Variants in FAT3 observed in about 807,000 individuals in gnomAD.
The protein encoded by FAT3 is FAT atypical cadherin 3, also known as protocadherin Fat 3.
A neutral mutation model predicts 310.2 loss-of-function variants in FAT3; 95 were observed. The observed-to-expected ratio is 0.31, with a 90% CI of 0.26 to 0.36. The LOEUF is 0.36. Ranked by LOEUF, FAT3 falls within the 10% of genes least tolerant of loss-of-function variation. FAT3 has a pLI of 1.00. For missense variants in FAT3, 5,408 were observed against 5,715.6 expected, an observed-to-expected ratio of 0.95 and a Z score of 1.74; for synonymous variants, 2,314 against 2,192.9, an observed-to-expected ratio of 1.06 and a Z score of -1.54.
chr11:92,780,570 G>A (rs748927031), intron 7 of FAT3, among the ~76,000 whole-genome samples: 8 of 152,180 alleles, frequency 5.3e-5, no homozygotes, highest in Admixed American at 3.3e-4. Context: ...AACTAGAGTA[G>A]ATCAGGGTTT....
chr11:92,332,129 A>C (rs900988692), intron 1 of FAT3, among the ~76,000 whole-genome samples: 4 of 152,318 alleles, frequency 2.6e-5, no homozygotes, highest in Non-Finnish European at 5.9e-5. Flanking sequence ...CATGGTCTTC[A>C]TTTTGACATT....
intron 2 of FAT3, among the ~76,000 whole-genome samples, chr11:92,398,315 A>T (rs151096970): frequency 0.026 from 3,901 of 152,130 alleles, 180 homozygotes; most frequent in African/African-American, 0.089. Context: ...AGCCTGGCCA[A>T]CATGGCAAAA....
chr11:92,859,154 G>T lies in FAT3; in HGVS notation c.11501-11G>T, dbSNP rs375666879. 6.2e-6 allele frequency: 10 copies of T among 1,611,044 alleles called. No individual in the cohort carries two copies. Among genetic ancestry groups the T allele is most frequent in the Admixed American group, 1.7e-5 (1 of 59,872 alleles). ...AAAAATATATATGTCTTCTCATAAC[G>T]GTCTTTTCAGGGCACACTTCTCTCA... On this transcript the variant is annotated splice_polypyrimidine_tract_variant and intron_variant, in intron 20 of 27. Transcript: ENST00000525166.
chr11:92,652,591 C>T (rs573931371), intron 3 of FAT3, among the ~76,000 whole-genome samples: 1 of 152,190 alleles, frequency 6.6e-6, no homozygotes, highest in Non-Finnish European at 1.5e-5. Flanking sequence ...TACTCATTCT[C>T]AGTTCCCCAG....
At chr11:92,622,849 A>G (rs964668141) in intron 3 of FAT3, among the ~76,000 whole-genome samples, 4 of 152,176 alleles carry the variant, frequency 2.6e-5, no homozygotes, top group African/African-American at 4.8e-5. Context: ...GAGACTCCCT[A>G]TAAGACACTT....
At chr11:92,277,047 A>T (rs1946292689) in intron 1 of FAT3, among the ~76,000 whole-genome samples, 1 of 152,052 alleles carries the variant, frequency 6.6e-6, no homozygotes. Context: ...TGCACCTAGC[A>T]GTTGCTAGGT....
In FAT3 at chr11:92,524,695, G is replaced by T. The variant is rs1953793186; in HGVS notation, c.3354G>T (p.Val1118=). Residue 1118 remains valine, a synonymous_variant, in exon 3 of 28, where the codon GTG becomes GTT. Transcript: ENST00000525166. ...RETMGSYWLT[V]YATDRGVVPL... ...CAATGGGGTCATACTGGCTAACAGTGTATGCCACAGACAGGGGCGTTGTTC... is the reference window on the plus strand; with the variant it reads ...CAATGGGGTCATACTGGCTAACAGTTTATGCCACAGACAGGGGCGTTGTTC... 2 of 1,613,868 alleles carry T rather than the reference G, an allele frequency of 1.2e-6. No homozygotes were observed. The highest frequency in any genetic ancestry group is 1.7e-6 in the Non-Finnish European group (2 of 1,179,838).
intron 19 of FAT3, among the ~76,000 whole-genome samples, chr11:92,849,675 G>A (rs1948770435): frequency 6.6e-6 from 1 of 152,214 alleles, no homozygotes; most frequent in Non-Finnish European, 1.5e-5. Context: ...ACTTGGAGGA[G>A]TACAAGAAAG....
At chr11:92,567,672 G>A (rs1390714000) in intron 3 of FAT3, among the ~76,000 whole-genome samples, 1 of 151,996 alleles carries the variant, frequency 6.6e-6, no homozygotes, top group African/African-American at 2.4e-5. Context: ...TTAAGAAAAT[G>A]TGGCACATAT....
intron 3 of FAT3, among the ~76,000 whole-genome samples, chr11:92,677,797 C>A (rs1045010718): frequency 6.6e-6 from 1 of 152,116 alleles, no homozygotes; most frequent in Non-Finnish European, 1.5e-5. Flanking sequence ...AACACACAAA[C>A]GATGCAATGA....
In FAT3 at chr11:92,455,339, G is replaced by T. The variant is rs7938056; in HGVS notation, c.3293-69295G>T. ...ACTCTCTCTGTTCCCAGAAATTGTG[G>T]CTCTGACAAGCTCCTGCTGCAGTCA... On this transcript the variant is annotated intron_variant, in intron 2 of 27. Coordinates refer to ENST00000525166, the MANE Select transcript of FAT3 (RefSeq NM_001367949.2). Among the ~76,000 whole-genome samples, 715 of 152,208 alleles carry T rather than the reference G, an allele frequency of 4.7e-3. 4 individuals are homozygous for T. The highest frequency in any genetic ancestry group is 0.016 in the African/African-American group (665 of 41,540).
At chr11:92,625,924 A>C (rs1941312842) in intron 3 of FAT3, among the ~76,000 whole-genome samples, 1 of 152,228 alleles carries the variant, frequency 6.6e-6, no homozygotes, top group African/African-American at 2.4e-5. Flanking sequence ...GTTTAATTAA[A>C]GTACTGAAAT....
chr11:92,822,871 C>T (rs1468562439), intron 13 of FAT3, among the ~76,000 whole-genome samples: 1 of 152,100 alleles, frequency 6.6e-6, no homozygotes, highest in Non-Finnish European at 1.5e-5. Context: ...CTGAGTATAC[C>T]TTGCAATTTC....
chr11:92,864,910 C>G (rs1232996993), intron 21 of FAT3, among the ~76,000 whole-genome samples: 1 of 152,236 alleles, frequency 6.6e-6, no homozygotes, highest in Non-Finnish European at 1.5e-5. Flanking sequence ...ATTTGCATGA[C>G]AGAGCAAAGT....
intron 1 of FAT3, among the ~76,000 whole-genome samples, chr11:92,235,267 C>A (rs1864371139): frequency 6.6e-6 from 1 of 152,182 alleles, no homozygotes; most frequent in Non-Finnish European, 1.5e-5. Flanking sequence ...CTTCTTGGCC[C>A]CTTTATCTCT....
At chr11:92,842,488 C>T (rs1473955600) in intron 18 of FAT3, among the ~76,000 whole-genome samples, 1 of 152,232 alleles carries the variant, frequency 6.6e-6, no homozygotes, top group Non-Finnish European at 1.5e-5. Flanking sequence ...GTCTCATCTG[C>T]TAAAGTTATA....
intron 3 of FAT3, among the ~76,000 whole-genome samples, chr11:92,615,366 C>A (rs1838094988): frequency 6.6e-6 from 1 of 152,190 alleles, no homozygotes; most frequent in African/African-American, 2.4e-5. Flanking sequence ...CCCGCCTCAG[C>A]CTCCCAAGTA....
intron 3 of FAT3, among the ~76,000 whole-genome samples, chr11:92,623,241 T>C (rs966463542): frequency 9.2e-5 from 14 of 152,230 alleles, no homozygotes; most frequent in African/African-American, 2.9e-4. Flanking sequence ...GAAGGTATGC[T>C]TCCCCCAGTG....
At chr11:92,391,633 T>A (rs1365106272) in intron 2 of FAT3, among the ~76,000 whole-genome samples, 1 of 152,244 alleles carries the variant, frequency 6.6e-6, no homozygotes, top group Non-Finnish European at 1.5e-5. Context: ...GTAGTTTGCA[T>A]CTGTATTCTG....
Sources: gnomAD v4.1 joint callset for allele counts (sites outside exome capture counted in the v4.1 genomes callset) on GRCh38, gnomAD v4.1.1 for gene constraint, MANE v1.5 for transcripts, NCBI Gene and HGNC (gene_info 2026-07-23, HGNC 2026-07-21) for gene names.